LAMA2: variants seen among roughly 807,000 people sequenced by gnomAD.
LAMA2 encodes laminin subunit alpha-2.
LAMA2 carries 269 observed loss-of-function variants against 364.8 expected under a neutral mutation model. The ratio of observed to expected loss-of-function variants is 0.74; its 90% CI spans 0.67 to 0.82. The LOEUF is 0.82. LAMA2 is among the 40% of genes least tolerant of loss of function. The pLI is 0.00. For missense variants in LAMA2, 3,807 were observed against 3,873.2 expected (o/e 0.98, Z 0.45); for synonymous variants, 1,379 against 1,370.6 (o/e 1.01, Z -0.14).
At chr6:129,454,367 T>C in intron 47 of LAMA2, 79 bp downstream of exon 47, 1 of 1,155,236 alleles carries the variant, frequency 8.7e-7, no homozygotes, top group South Asian at 1.3e-5. Flanking sequence ...AAAACTCCTA[T>C]TTCCATTTCA....
chr6:129,329,315 T>C (rs963335669), intron 29 of LAMA2, among the ~76,000 whole-genome samples: 29 of 152,160 alleles, frequency 1.9e-4, no homozygotes, highest in Admixed American at 9.8e-4. Context: ...AACTCTCACT[T>C]TGCATGCTGC....
intron 17 of LAMA2, among the ~76,000 whole-genome samples, chr6:129,276,713 C>T (rs1045240065): frequency 2.0e-5 from 3 of 152,038 alleles, no homozygotes; most frequent in Non-Finnish European, 4.4e-5. Context: ...AATGTTGATC[C>T]ACCCTTATCA....
intron 41 of LAMA2, among the ~76,000 whole-genome samples, chr6:129,429,973 AT>A (rs1031406205): frequency 6.6e-6 from 1 of 151,986 alleles, no homozygotes; most frequent in African/African-American, 2.4e-5. Flanking sequence ...GTTTAAATTT[AT>A]TTTTTTTGTA....
At chr6:129,326,446 TA>T (rs1417610295) in intron 28 of LAMA2, among the ~76,000 whole-genome samples, 1 of 152,138 alleles carries the variant, frequency 6.6e-6, no homozygotes, top group African/African-American at 2.4e-5. Context: ...CCTACAACGC[TA>T]AACTGTACAA....
chr6:129,177,883 A>AGTAATGTCCCACT lies in LAMA2; in HGVS notation c.1467+20_1467+32dup. On this transcript the variant is annotated intron_variant, in intron 10 of 64. Coordinates refer to ENST00000421865, the MANE Select transcript of LAMA2 (RefSeq NM_000426.4). ...ATCTGCAAGGTACATTGTTTATTCC[A>AGTAATGTCCCACT]GTAATGTCCCACTGTCAAGACAGAA... The AGTAATGTCCCACT allele has an allele frequency of 1.2e-6, 2 of 1,611,724 alleles. No individual in the cohort carries two copies. The highest frequency in any genetic ancestry group is 2.2e-5 in the South Asian group (2 of 91,022).
intron 6 of LAMA2, among the ~76,000 whole-genome samples, chr6:129,147,548 G>A (rs567417135): frequency 2.8e-4 from 43 of 152,060 alleles, no homozygotes; most frequent in African/African-American, 1.0e-3. Flanking sequence ...ACTGATAGTG[G>A]CAAGCCGGAA....
intron 27 of LAMA2, among the ~76,000 whole-genome samples, chr6:129,317,364 T>A (rs1277597121): frequency 6.6e-6 from 1 of 152,180 alleles, no homozygotes; most frequent in African/African-American, 2.4e-5. Flanking sequence ...AGTCTCTCAA[T>A]GGCCAACTAA....
intron 33 of LAMA2, among the ~76,000 whole-genome samples, chr6:129,369,656 A>G (rs1324794896): frequency 6.6e-6 from 1 of 152,242 alleles, no homozygotes; most frequent in Admixed American, 6.5e-5. Flanking sequence ...ATGAAAAAAC[A>G]AAACATAAAA....
chr6:129,463,508 C>T (rs954578381), intron 49 of LAMA2, among the ~76,000 whole-genome samples: 6 of 151,908 alleles, frequency 3.9e-5, no homozygotes, highest in Non-Finnish European at 7.4e-5. Context: ...TCTCCACAAT[C>T]GCAGTAACAT....
At chr6:129,309,906 T>TG (rs1182059381) in intron 22 of LAMA2, among the ~76,000 whole-genome samples, 1 of 144,312 alleles carries the variant, frequency 6.9e-6, no homozygotes, top group Admixed American at 7.1e-5. Flanking sequence ...ATAATCATTT[T>TG]TTTTTTTTTT....
intron 12 of LAMA2, among the ~76,000 whole-genome samples, chr6:129,236,156 C>T (rs527747685): frequency 6.6e-6 from 1 of 152,172 alleles, no homozygotes; most frequent in South Asian, 2.1e-4. Context: ...ATATGAATCT[C>T]AAAATACTGT....
At chr6:128,902,552 A>G (rs1379665740) in intron 1 of LAMA2, among the ~76,000 whole-genome samples, 4 of 152,220 alleles carry the variant, frequency 2.6e-5, no homozygotes, top group Non-Finnish European at 5.9e-5. Flanking sequence ...CAAAGTGACA[A>G]AAGTAATTGG....
intron 17 of LAMA2, among the ~76,000 whole-genome samples, chr6:129,276,423 A>G (rs768588161): frequency 5.3e-5 from 8 of 152,168 alleles, no homozygotes; most frequent in Admixed American, 1.3e-4. Context: ...TTTCAAATGC[A>G]TGACAGTTAA....
At chr6:129,334,821 T>C (rs890192764) in intron 29 of LAMA2, among the ~76,000 whole-genome samples, 16 of 152,126 alleles carry the variant, frequency 1.1e-4, no homozygotes, top group African/African-American at 3.6e-4. Flanking sequence ...CTGGGGTCTC[T>C]TTTGTAAAGG....
chr6:129,109,815 T>G (rs1776037709), intron 4 of LAMA2, among the ~76,000 whole-genome samples: 1 of 152,088 alleles, frequency 6.6e-6, no homozygotes, highest in Non-Finnish European at 1.5e-5. Context: ...TTCTTTCTGT[T>G]ATTTTTATTA....
chr6:129,471,170 G>A (rs756443881), intron 51 of LAMA2, among the ~76,000 whole-genome samples: 5 of 151,794 alleles, frequency 3.3e-5, no homozygotes, highest in African/African-American at 7.3e-5. Flanking sequence ...GTGAAATTTT[G>A]TGTCAATAGC....
chr6:129,185,205 A>G (rs1327839409), intron 10 of LAMA2, among the ~76,000 whole-genome samples: 2 of 151,890 alleles, frequency 1.3e-5, no homozygotes, highest in Non-Finnish European at 2.9e-5. Flanking sequence ...ACAGTTCAAT[A>G]TGTACTGCTG....
At chr6:129,310,501 A>G (rs920595431) in intron 22 of LAMA2, among the ~76,000 whole-genome samples, 6 of 152,130 alleles carry the variant, frequency 3.9e-5, no homozygotes, top group African/African-American at 1.4e-4. Flanking sequence ...CACCAAAAAG[A>G]GTTAAGTCAC....
Position 129,402,499 on chromosome 6 carries a change from G to A in LAMA2, c.5726+12G>A, listed in dbSNP as rs762347267. 2 of 1,613,632 alleles carry A rather than the reference G, an allele frequency of 1.2e-6. No homozygotes were observed. The highest frequency in any genetic ancestry group is 1.1e-5 in the South Asian group (1 of 91,050). On this transcript the variant is annotated intron_variant, in intron 39 of 64. Coordinates refer to ENST00000421865, the MANE Select transcript of LAMA2 (RefSeq NM_000426.4). ...GCTGTCCTTGATGGGTATGTCATTT[G>A]TTTTTGGAAATGTTTGTGTATTTTG...
Sources: gnomAD v4.1 joint callset for allele counts (sites outside exome capture counted in the v4.1 genomes callset) on GRCh38, gnomAD v4.1.1 for gene constraint, MANE v1.5 for transcripts, NCBI Gene and HGNC (gene_info 2026-07-23, HGNC 2026-07-21) for gene names.